RERE: variants seen among roughly 807,000 people sequenced by gnomAD.
RERE encodes the protein arginine-glutamic acid dipeptide repeats.
Under a neutral mutation model 146.1 loss-of-function variants are expected in RERE, and 40 were observed. The observed-to-expected ratio is 0.27, with a 90% CI of 0.21 to 0.36. The LOEUF is 0.36. Ranked by LOEUF, RERE falls within the 10% of genes least tolerant of loss-of-function variation. RERE has a pLI of 1.00. For synonymous variants in RERE, 1,003 were observed against 866.0 expected (o/e 1.16, Z -2.78); for missense variants, 1,933 against 2,138.7 (o/e 0.90, Z 1.90).
intron 6 of RERE, among the ~76,000 whole-genome samples, chr1:8,551,538 G>C (rs1236727577): frequency 6.6e-6 from 1 of 152,088 alleles, no homozygotes; most frequent in Non-Finnish European, 1.5e-5. Flanking sequence ...AGTGTATGCT[G>C]AGTGATTACA....
chr1:8,363,867 C>T (rs1641692887), intron 15 of RERE, 189 bp downstream of exon 15: 1 of 613,092 alleles, frequency 1.6e-6, no homozygotes, highest in Non-Finnish European at 2.9e-6. Flanking sequence ...CCCTGGGGCC[C>T]CTCGAAGGAG....
At chr1:8,797,408 A>T (rs1292355694) in intron 1 of RERE, among the ~76,000 whole-genome samples, 2 of 152,002 alleles carry the variant, frequency 1.3e-5, no homozygotes, top group Non-Finnish European at 2.9e-5. Context: ...GAATCACAAA[A>T]GAAAGATACA....
rs1385735823 is a variant in RERE at position 8,353,483 on chromosome 1, T to C, written c.*1604A>G. ...AATTCTTGGGATGGGACCAGCACAA[T>C]GGCAGAAGAGACCTCCAGTGTCTGA... On this transcript the variant is annotated 3_prime_UTR_variant, in exon 23 of 23. Coordinates refer to ENST00000400908, the MANE Select transcript of RERE (RefSeq NM_001042681.2). 1.3e-5 allele frequency: 2 copies of C among 152,216 alleles called. No homozygotes were observed. Among genetic ancestry groups the C allele is most frequent in the Admixed American group, 6.5e-5 (1 of 15,282 alleles). 9.4% of individuals were successfully genotyped at this position (152,216 alleles called of 1,614,324 possible).
intron 12 of RERE, among the ~76,000 whole-genome samples, chr1:8,381,456 G>A (rs1226188497): frequency 3.9e-5 from 6 of 152,158 alleles, no homozygotes; most frequent in Non-Finnish European, 7.3e-5. Flanking sequence ...GTCACTAACA[G>A]TCATAAAAGT....
intron 5 of RERE, among the ~76,000 whole-genome samples, chr1:8,557,014 G>GT (rs1048953227): frequency 4.0e-5 from 6 of 150,546 alleles, no homozygotes; most frequent in African/African-American, 7.3e-5. Context: ...TTTAACAGAG[G>GT]TTTTTTTATA....
chr1:8,795,537 C>T (rs949351320), intron 1 of RERE, among the ~76,000 whole-genome samples: 4 of 152,098 alleles, frequency 2.6e-5, no homozygotes, highest in African/African-American at 9.7e-5. Flanking sequence ...TATTTGACAG[C>T]TAAGGAAGTA....
chr1:8,638,988 T>C (rs6577509), intron 2 of RERE, among the ~76,000 whole-genome samples: 89,236 of 151,722 alleles, frequency 0.59, 26,822 homozygotes, highest in East Asian at 0.83. Context: ...TTGGCCAGGA[T>C]GGTCTCGATC....
intron 11 of RERE, among the ~76,000 whole-genome samples, chr1:8,436,629 G>A (rs1443552676): frequency 6.6e-6 from 1 of 152,118 alleles, no homozygotes; most frequent in African/African-American, 2.4e-5. Flanking sequence ...CTAGACCAGT[G>A]GTTGCCCGAT....
chr1:8,428,222 G>C (rs977262139), intron 11 of RERE, among the ~76,000 whole-genome samples: 12 of 152,310 alleles, frequency 7.9e-5, no homozygotes, highest in African/African-American at 2.9e-4. Flanking sequence ...CAGCTCTGCT[G>C]TTTATGCTCC....
In RERE at chr1:8,548,043, G is replaced by A. The variant is rs530858799; in HGVS notation, c.726-6725C>T. Among the ~76,000 whole-genome samples, 5 of 152,332 alleles carry A rather than the reference G, an allele frequency of 3.3e-5. No individual in the cohort carries two copies. In the South Asian group the frequency reaches 1.0e-3, roughly 32 times the overall value. On this transcript the variant is annotated intron_variant, in intron 6 of 22. Coordinates refer to ENST00000400908, the MANE Select transcript of RERE (RefSeq NM_001042681.2). ...AGAATGAGAAAGTCCTCTATGAACTGATAAGAGCAATTCCCACAATATACT... is the reference window on the plus strand; with the variant it reads ...AGAATGAGAAAGTCCTCTATGAACTAATAAGAGCAATTCCCACAATATACT...
At chr1:8,767,162 A>G (rs1640864964) in intron 1 of RERE, among the ~76,000 whole-genome samples, 1 of 152,222 alleles carries the variant, frequency 6.6e-6, no homozygotes, top group African/African-American at 2.4e-5. Context: ...ACTGGCATGT[A>G]GCATTACTGG....
chr1:8,714,386 T>C (rs1394181359), intron 1 of RERE, among the ~76,000 whole-genome samples: 1 of 152,218 alleles, frequency 6.6e-6, no homozygotes, highest in African/African-American at 2.4e-5. Flanking sequence ...GCGTCTTTCC[T>C]GAAAATTGGA....
At chr1:8,689,260 T>G (rs1439122871) in intron 1 of RERE, among the ~76,000 whole-genome samples, 1 of 152,184 alleles carries the variant, frequency 6.6e-6, no homozygotes, top group Non-Finnish European at 1.5e-5. Flanking sequence ...TTGGTTTGGT[T>G]GTTTTTCTTC....
At chr1:8,403,906 C>T (rs1643356009) in intron 12 of RERE, among the ~76,000 whole-genome samples, 1 of 138,058 alleles carries the variant, frequency 7.2e-6, no homozygotes, top group Non-Finnish European at 1.5e-5. Context: ...TCTCGGCTCA[C>T]TGCAACCTCC....
At chr1:8,808,333 A>T (rs373644036) in intron 1 of RERE, among the ~76,000 whole-genome samples, 1 of 152,126 alleles carries the variant, frequency 6.6e-6, no homozygotes, top group African/African-American at 2.4e-5. Context: ...CCTCAAAGAG[A>T]ATCTATTCAA....
intron 12 of RERE, among the ~76,000 whole-genome samples, chr1:8,371,032 A>C (rs897660053): frequency 2.6e-5 from 4 of 152,142 alleles, no homozygotes; most frequent in African/African-American, 7.2e-5. Flanking sequence ...CACAGTCAAC[A>C]TATCTTATGT....
At chr1:8,507,262 T>G (rs1217428402) in intron 8 of RERE, among the ~76,000 whole-genome samples, 1 of 152,188 alleles carries the variant, frequency 6.6e-6, no homozygotes, top group Admixed American at 6.5e-5. Context: ...GGCAACAGAA[T>G]GAGACCTGTC....
At chr1:8,637,115 A>G (rs1245674882) in intron 2 of RERE, among the ~76,000 whole-genome samples, 1 of 152,194 alleles carries the variant, frequency 6.6e-6, no homozygotes, top group Non-Finnish European at 1.5e-5. Context: ...ATTAAAAAGT[A>G]GAACACAGAG....
chr1:8,667,582 C>G (rs910143526), intron 1 of RERE, among the ~76,000 whole-genome samples: 1 of 152,114 alleles, frequency 6.6e-6, no homozygotes, highest in Admixed American at 6.5e-5. Context: ...GAGGCTGAGG[C>G]AGGAGAATTG....
Sources: gnomAD v4.1 joint callset for allele counts (sites outside exome capture counted in the v4.1 genomes callset) on GRCh38, gnomAD v4.1.1 for gene constraint, MANE v1.5 for transcripts, NCBI Gene and HGNC (gene_info 2026-07-23, HGNC 2026-07-21) for gene names.